TECR: variants seen among roughly 807,000 people sequenced by gnomAD.
The protein encoded by TECR is very-long-chain enoyl-CoA reductase.
In TECR, 19 loss-of-function variants were observed where a neutral mutation model predicts 50.6. That is an observed-to-expected ratio of 0.38 (90% CI 0.26 to 0.55). The LOEUF (loss-of-function observed/expected upper bound fraction) is 0.55, where lower values mean the gene tolerates loss of function less well. TECR is among the 20% of genes least tolerant of loss of function. The probability of loss-of-function intolerance (pLI) is 0.79; values close to 1 mark genes in which losing one functional copy is unlikely to be tolerated. For missense variants in TECR, 313 were observed against 408.3 expected, an observed-to-expected ratio of 0.77 and a Z score of 2.01; for synonymous variants, 168 against 163.5, an observed-to-expected ratio of 1.03 and a Z score of -0.21.
chr19:14,529,727 C>A lies in TECR; in HGVS notation c.15+16C>A. On this transcript the variant is annotated intron_variant, in intron 1 of 12. Coordinates refer to ENST00000215567, the MANE Select transcript of TECR (RefSeq NM_138501.6). ...GCATTACGAGGTAAGAAGCGAGAAA[C>A]AGGGGCCGTGTGGCCACTGCTGACC... 6.2e-7 allele frequency: 1 copy of A among 1,614,066 alleles called. No homozygotes were observed. The highest frequency in any genetic ancestry group is 8.5e-7 in the Non-Finnish European group (1 of 1,180,038).
At chr19:14,541,086 G>A (rs755348789) in intron 1 of TECR, among the ~76,000 whole-genome samples, 1 of 151,992 alleles carries the variant, frequency 6.6e-6, no homozygotes, top group African/African-American at 2.4e-5. Context: ...TTGGCCTCCC[G>A]AAGTGCTGGG....
rs1395169379 is a variant in TECR at position 14,564,846 on chromosome 19, T to G, written c.550T>G (p.Tyr184Asp). The change falls in exon 8 of 13, where the codon TAC becomes GAC. Residue 184 changes from tyrosine (Y) to aspartate (D), a missense_variant. Coordinates refer to ENST00000215567, the MANE Select transcript of TECR (RefSeq NM_138501.6). ...GGCCTATTACATCAATCACCCTCTCTACACTCCCCCTAGTAAGTGGCCTCA... is the reference window on the plus strand; with the variant it reads ...GGCCTATTACATCAATCACCCTCTCGACACTCCCCCTAGTAAGTGGCCTCA... ...WMAYYINHPLYTPPTYGAQQV... is the reference protein window; with the variant it reads ...WMAYYINHPLDTPPTYGAQQV... 6.2e-7 allele frequency: 1 copy of G among 1,613,924 alleles called. No individual in the cohort carries two copies. The highest frequency in any genetic ancestry group is 8.5e-7 in the Non-Finnish European group (1 of 1,179,996).
At chr19:14,547,795 G>C (rs1456391535) in intron 1 of TECR, among the ~76,000 whole-genome samples, 1 of 151,602 alleles carries the variant, frequency 6.6e-6, no homozygotes, top group Non-Finnish European at 1.5e-5. Context: ...ATTATGCTAG[G>C]ACTACAGGTG....
Position 14,563,445 on chromosome 19 carries a change from T to C in TECR, c.118+188T>C, listed in dbSNP as rs568050308. On this transcript the variant is annotated intron_variant, in intron 3 of 12. Transcript: ENST00000215567. This position sits in a 1 kb window ranked among gnomAD's most constrained non-coding sequence, Gnocchi z 5.3. ...CTCCGCAGGAACGCCCTTGCTAGGCTCTGGGAAGGACAAGATCCTGCTTCT... is the reference window on the plus strand; with the variant it reads ...CTCCGCAGGAACGCCCTTGCTAGGCCCTGGGAAGGACAAGATCCTGCTTCT... The C allele has an allele frequency of 3.4e-4, 277 of 818,032 alleles. 2 individuals are homozygous for C. In the South Asian group the frequency reaches 4.1e-3, roughly 12 times the overall value. The allele number at this position is 818,032 out of a possible 1,614,324, so 50.7% of individuals were successfully genotyped here.
intron 1 of TECR, chr19:14,529,956 G>A (rs2072561744): frequency 1.7e-6 from 1 of 589,280 alleles, no homozygotes; most frequent in South Asian, 2.0e-5. Flanking sequence ...GTCTCTGCAG[G>A]GGCTGGGACG....
chr19:14,545,739 A>G (rs1387493092), intron 1 of TECR: 3 of 159,898 alleles, frequency 1.9e-5, no homozygotes, highest in African/African-American at 4.8e-5. Context: ...ACACCCCTGC[A>G]CACGGTTGAG....
chr19:14,565,344 G>A, intron 11 of TECR, 54 bp downstream of exon 11: 4 of 1,603,484 alleles, frequency 2.5e-6, no homozygotes, highest in Admixed American at 1.7e-5. Flanking sequence ...CCATGTGGAG[G>A]GACCAGCCCC....
At chr19:14,556,032 A>C (rs1269187439) in intron 1 of TECR, among the ~76,000 whole-genome samples, 1 of 152,112 alleles carries the variant, frequency 6.6e-6, no homozygotes, top group Non-Finnish European at 1.5e-5. Context: ...TCTGCTCAAG[A>C]ACCCTCTATG....
At chr19:14,555,648 C>G (rs1482872418) in intron 1 of TECR, among the ~76,000 whole-genome samples, 2 of 151,792 alleles carry the variant, frequency 1.3e-5, no homozygotes, top group Non-Finnish European at 2.9e-5. Context: ...ACCATGTTGG[C>G]CAGGCTGGTC....
chr19:14,529,921 G>GT, intron 1 of TECR: 1 of 686,886 alleles, frequency 1.5e-6, no homozygotes. Context: ...AACCCAGGCT[G>GT]TTTTGGGGGT....
Position 14,563,755 on chromosome 19 carries a change from G to A in TECR, c.164-45G>A, listed in dbSNP as rs1475690717. 1.9e-6 allele frequency: 3 copies of A among 1,612,690 alleles called. No individual in the cohort carries two copies. Among genetic ancestry groups the A allele is most frequent in the South Asian group, 2.2e-5 (2 of 91,070 alleles). ...CCCCTGGGCTCCTGGGTGGCAGTGG[G>A]AGAAGGCCCGGGTAGCCCCTGAGCC... On this transcript the variant is annotated intron_variant, in intron 4 of 12. Transcript: ENST00000215567. This position sits in a 1 kb window ranked among gnomAD's most constrained non-coding sequence, Gnocchi z 5.3.
chr19:14,533,190 G>A (rs978528401), intron 1 of TECR, among the ~76,000 whole-genome samples: 4 of 151,960 alleles, frequency 2.6e-5, no homozygotes, highest in African/African-American at 9.7e-5. Context: ...GGACACCAAG[G>A]TGGGCAAATC....
chr19:14,528,930 A>C (rs1295349107), upstream of TECR, among the ~76,000 whole-genome samples: 1 of 152,166 alleles, frequency 6.6e-6, no homozygotes, highest in Admixed American at 6.6e-5. Flanking sequence ...GGACAGAACG[A>C]GATTGTTTCA....
At chr19:14,546,769 C>T (rs972957899) in intron 1 of TECR, among the ~76,000 whole-genome samples, 1 of 152,186 alleles carries the variant, frequency 6.6e-6, no homozygotes, top group Non-Finnish European at 1.5e-5. Flanking sequence ...GCTGCAACCT[C>T]CACCTCTGAG....
At chr19:14,554,590 G>A (rs1200205944) in intron 1 of TECR, among the ~76,000 whole-genome samples, 2 of 152,198 alleles carry the variant, frequency 1.3e-5, no homozygotes, top group Non-Finnish European at 2.9e-5. Context: ...ATGGCTGTGT[G>A]TGCCAGGCCT....
At chr19:14,560,437 G>A (rs1292519971) in intron 1 of TECR, among the ~76,000 whole-genome samples, 1 of 152,188 alleles carries the variant, frequency 6.6e-6, no homozygotes, top group African/African-American at 2.4e-5. Context: ...CAGCCACAGG[G>A]CAGGCCCCGT....
chr19:14,560,549 G>A (rs186184798), intron 1 of TECR, among the ~76,000 whole-genome samples: 9 of 152,340 alleles, frequency 5.9e-5, no homozygotes, highest in Non-Finnish European at 1.0e-4. Context: ...AACGTCCTGC[G>A]TGGTGTGACC....
chr19:14,550,326 C>G (rs1174584849), intron 1 of TECR, among the ~76,000 whole-genome samples: 1 of 152,130 alleles, frequency 6.6e-6, no homozygotes, highest in Non-Finnish European at 1.5e-5. Flanking sequence ...ATAAAGCCTG[C>G]CACGTAGATC....
chr19:14,535,570 ATATATATATATATATATATGTATG>A lies in TECR; in HGVS notation c.15+5868_15+5891del, dbSNP rs1427046120. 3.0e-3 allele frequency among the ~76,000 whole-genome samples: 61 copies of A among 20,476 alleles called. 1 individual carries two copies. The highest frequency in any genetic ancestry group is 8.5e-3 in the East Asian group (10 of 1,172). 13.4% of individuals were successfully genotyped at this position (20,476 alleles called of 152,430 possible). On this transcript the variant is annotated intron_variant, in intron 1 of 12. Coordinates refer to ENST00000215567, the MANE Select transcript of TECR (RefSeq NM_138501.6). ...TATATATATATATATATATATATAT[ATATATATATATATATATATGTATG>A]TATATATAAATTAGCCAGGCATCAT...
Sources: allele counts gnomAD v4.1 joint callset (sites outside exome capture counted in the v4.1 genomes callset), GRCh38; gene constraint gnomAD v4.1.1; non-coding constraint Gnocchi (gnomAD v3.1); transcripts MANE v1.5; gene names NCBI Gene and HGNC (gene_info 2026-07-23, HGNC 2026-07-21).